NPL: variants seen among roughly 807,000 people sequenced by gnomAD.
NPL encodes the protein N-acetylneuraminate lyase.
NPL carries 32 observed loss-of-function variants against 41.1 expected under a neutral mutation model. That is an observed-to-expected ratio of 0.78 (90% CI 0.59 to 1.05). NPL has a LOEUF of 1.05. Ranked by LOEUF, NPL falls within the 50% of genes least tolerant of loss-of-function variation. The pLI, the probability that NPL is intolerant of heterozygous loss-of-function variation, is 0.00. For synonymous variants in NPL, 128 were observed against 134.9 expected (o/e 0.95, Z 0.35); for missense variants, 321 against 378.4 (o/e 0.85, Z 1.26).
intron 5 of NPL, among the ~76,000 whole-genome samples, chr1:182,808,780 C>A (rs1667093763): frequency 2.6e-5 from 4 of 151,896 alleles, no homozygotes; most frequent in African/African-American, 9.7e-5. Context: ...CATACAGAGA[C>A]CCTGTCTCTA....
Position 182,812,114 on chromosome 1 carries a change from C to T in NPL, c.231-42C>T, listed in dbSNP as rs1290751321. ...AGGATAGTGCAGCCCTTCTGCATGC[C>T]TCTAAACTCTAAGCGATGCAGCAGT... On this transcript the variant is annotated intron_variant, in intron 5 of 12. Coordinates refer to ENST00000367553, the MANE Select transcript of NPL (RefSeq NM_030769.3). 8.1e-6 allele frequency: 13 copies of T among 1,607,386 alleles called. No individual in the cohort carries two copies. The East Asian group carries it at 1.1e-4, about 14-fold the overall frequency.
intron 3 of NPL, among the ~76,000 whole-genome samples, chr1:182,797,588 A>G (rs1291373417): frequency 1.3e-5 from 2 of 152,048 alleles, no homozygotes; most frequent in African/African-American, 4.8e-5. Context: ...GCCTTTTTCT[A>G]CCACCATCTT....
At chr1:182,795,149 T>C (rs1259597948) in intron 3 of NPL, among the ~76,000 whole-genome samples, 1 of 152,206 alleles carries the variant, frequency 6.6e-6, no homozygotes, top group Non-Finnish European at 1.5e-5. Flanking sequence ...TAACTCCTCC[T>C]TGAACATCAC....
chr1:182,812,066 A>T, intron 5 of NPL, 90 bp from the exon 6 acceptor site: 1 of 1,247,330 alleles, frequency 8.0e-7, no homozygotes, highest in Non-Finnish European at 1.2e-6. Context: ...GGCATCAGTT[A>T]ACTGCTAAAA....
chr1:182,827,621 T>TA (rs1667664849), intron 12 of NPL, among the ~76,000 whole-genome samples: 2 of 152,082 alleles, frequency 1.3e-5, no homozygotes, highest in Admixed American at 6.5e-5. Context: ...AATATATATA[T>TA]TTTTTTCAGT....
chr1:182,808,959 TAAAAAAAAA>T (rs61310123), intron 5 of NPL, among the ~76,000 whole-genome samples: 9 of 118,338 alleles, frequency 7.6e-5, no homozygotes, highest in African/African-American at 3.0e-4. Flanking sequence ...AACCCTGTCT[TAAAAAAAAA>T]AAAAAAAAAA....
intron 10 of NPL, among the ~76,000 whole-genome samples, chr1:182,819,610 CA>C (rs918851376): frequency 4.1e-4 from 56 of 137,550 alleles, no homozygotes; most frequent in East Asian, 4.2e-4. Flanking sequence ...GACTCCATCT[CA>C]AAAAAAAAAA....
At chr1:182,821,283 A>G (rs917717292) in intron 10 of NPL, among the ~76,000 whole-genome samples, 2 of 152,234 alleles carry the variant, frequency 1.3e-5, no homozygotes, top group Non-Finnish European at 2.9e-5. Flanking sequence ...ACTTGGGGAA[A>G]TATCCTTATT....
chr1:182,825,348 T>C (rs928457050), intron 11 of NPL, among the ~76,000 whole-genome samples: 1 of 152,224 alleles, frequency 6.6e-6, no homozygotes, highest in Non-Finnish European at 1.5e-5. Context: ...ACAGCACTTA[T>C]GGAAGTTGAG....
rs201948612 is a variant in NPL, at chr1:182,818,573, G to A, written c.490G>A (p.Asp164Asn). ...RAEELLDGIL[D>N]KIPTFQGLKF... ...TGAGGAGTTGTTGGATGGGATTCTG[G>A]ATAAGATCCCCACCTTCCAAGGGCT... The change falls in exon 9 of 13, where the codon GAT (aspartate) becomes AAT (asparagine). Residue 164 changes from aspartate to asparagine, a missense_variant. Coordinates refer to ENST00000367553, the MANE Select transcript of NPL (RefSeq NM_030769.3). 1.2e-6 allele frequency: 2 copies of A among 1,614,132 alleles called. No homozygotes were observed. The highest frequency in any genetic ancestry group is 1.1e-5 in the South Asian group (1 of 91,080).
chr1:182,806,440 C>T, intron 5 of NPL: 1 of 1,536,980 alleles, frequency 6.5e-7, no homozygotes, highest in Non-Finnish European at 8.7e-7. Flanking sequence ...AACTGCTAGA[C>T]ACACCTGCCA....
chr1:182,819,147 C>A (rs1667419424), intron 10 of NPL, among the ~76,000 whole-genome samples: 1 of 151,762 alleles, frequency 6.6e-6, no homozygotes, highest in South Asian at 2.1e-4. Context: ...TGGTGAAACC[C>A]CATCTCTACT....
Position 182,828,816 on chromosome 1 carries a change from G to A in NPL, c.871G>A (p.Glu291Lys), listed in dbSNP as rs1303060302. The A allele has an allele frequency of 6.2e-7, 1 of 1,614,212 alleles. No homozygotes were observed. The highest frequency in any genetic ancestry group is 8.5e-7 in the Non-Finnish European group (1 of 1,180,044). ...PRLPLQKASREFTDSAEAKLK... is the reference protein window; with the variant it reads ...PRLPLQKASRKFTDSAEAKLK... ...GCTTCCACTGCAGAAAGCCTCCAGG[G>A]AGTTTACTGATAGTGCTGAAGCTAA... is the stretch of plus-strand genomic sequence containing the variant. Residue 291 changes from glutamate (E) to lysine (K), a missense_variant, in exon 13 of 13, where the codon GAG becomes AAG. Coordinates refer to ENST00000367553, the MANE Select transcript of NPL (RefSeq NM_030769.3). The surrounding 1 kb of genome is among the most constrained non-coding windows in gnomAD (Gnocchi z 4.0).
intron 5 of NPL, chr1:182,809,426 G>C (rs1040145510): frequency 3.8e-6 from 1 of 262,932 alleles, no homozygotes; most frequent in Non-Finnish European, 7.7e-6. Flanking sequence ...TGTAATCCCA[G>C]CTAAGCAGGA....
rs924389809 is a variant in NPL, at chr1:182,825,291, C to G, written c.739-490C>G. ...GCAAGGGGAAACAGAAAAGAACAAC[C>G]TGCACCTCCATTTCATGCAGATTCT... On this transcript the variant is annotated intron_variant, in intron 11 of 12. Coordinates refer to ENST00000367553, the MANE Select transcript of NPL (RefSeq NM_030769.3). Among the ~76,000 whole-genome samples, 3 of 152,120 alleles carry G rather than the reference C, an allele frequency of 2.0e-5. No individual in the cohort carries two copies. The East Asian group carries it at 5.8e-4, about 29-fold the overall frequency.
intron 12 of NPL, among the ~76,000 whole-genome samples, chr1:182,827,406 CTG>C (rs1667658008): frequency 6.6e-6 from 1 of 152,162 alleles, no homozygotes; most frequent in Admixed American, 6.5e-5. Flanking sequence ...TCTCTGTTAT[CTG>C]TAAAGAATGT....
chr1:182,796,795 G>A (rs1490338914), intron 3 of NPL, among the ~76,000 whole-genome samples: 2 of 152,128 alleles, frequency 1.3e-5, no homozygotes, highest in Non-Finnish European at 2.9e-5. Flanking sequence ...CTAGCACTTT[G>A]GGAGGCCGAG....
At chr1:182,791,558 A>T (rs1666516250) in intron 1 of NPL, among the ~76,000 whole-genome samples, 1 of 152,186 alleles carries the variant, frequency 6.6e-6, no homozygotes, top group Non-Finnish European at 1.5e-5. Flanking sequence ...AAGAGGGATT[A>T]GGACAGTGAT....
At chr1:182,812,790 G>C (rs1201971220) in intron 6 of NPL, among the ~76,000 whole-genome samples, 1 of 152,068 alleles carries the variant, frequency 6.6e-6, no homozygotes, top group African/African-American at 2.4e-5. Flanking sequence ...CCACTTTAGA[G>C]ATTAGCAGGT....
Sources: allele counts gnomAD v4.1 joint callset (sites outside exome capture counted in the v4.1 genomes callset), GRCh38; gene constraint gnomAD v4.1.1; non-coding constraint Gnocchi (gnomAD v3.1); transcripts MANE v1.5; gene names NCBI Gene and HGNC (gene_info 2026-07-23, HGNC 2026-07-21).